The following ACAD11 variants were observed in gnomAD, a reference collection of about 807,000 sequenced individuals.
The protein encoded by ACAD11 is acyl-CoA dehydrogenase family member 11, also known as acyl-Coenzyme A dehydrogenase family, member 11.
A neutral mutation model predicts 102.2 loss-of-function variants in ACAD11; 83 were observed. That is an observed-to-expected ratio of 0.81 (90% CI 0.68 to 0.97). ACAD11 has a LOEUF of 0.97. Ranked by LOEUF, ACAD11 falls within the 50% of genes least tolerant of loss-of-function variation. The pLI is 0.00. For missense variants in ACAD11, 901 were observed against 951.7 expected (o/e 0.95, Z 0.70); for synonymous variants, 324 against 319.8 (o/e 1.01, Z -0.14).
At chr3:132,633,723 A>G (rs1225771919) in intron 5 of ACAD11, among the ~76,000 whole-genome samples, 1 of 152,190 alleles carries the variant, frequency 6.6e-6, no homozygotes, top group Non-Finnish European at 1.5e-5. Flanking sequence ...AGACCAATGG[A>G]ACAGAACAGA....
At chr3:132,657,700 G>A (rs1310020491) in intron 1 of ACAD11, among the ~76,000 whole-genome samples, 3 of 151,992 alleles carry the variant, frequency 2.0e-5, no homozygotes, top group African/African-American at 7.2e-5. Context: ...CATTTTAACT[G>A]TTGCTAAAGT....
Position 132,602,472 on chromosome 3 carries a change from A to G in ACAD11, c.1621+757T>C, listed in dbSNP as rs148663258. Among the ~76,000 whole-genome samples the G allele has an allele frequency of 4.7e-3, 719 of 152,260 alleles. 9 individuals carry two copies. Among genetic ancestry groups the G allele is most frequent in the African/African-American group, 0.015 (642 of 41,564 alleles). On this transcript the variant is annotated intron_variant, in intron 13 of 19. Coordinates refer to ENST00000264990, the MANE Select transcript of ACAD11 (RefSeq NM_032169.5). ...CATTATCCCATGCATAAAATGTCCTATTTTCATTTAAACACTTTATTTTTG... is the reference window on the plus strand; with the variant it reads ...CATTATCCCATGCATAAAATGTCCTGTTTTCATTTAAACACTTTATTTTTG...
chr3:132,561,263 T>G, intron 17 of ACAD11, 46 bp from the exon 18 acceptor site: 1 of 1,395,774 alleles, frequency 7.2e-7, no homozygotes, highest in Non-Finnish European at 1.0e-6. Flanking sequence ...GCTAAGCTGG[T>G]ATCTGATGTC....
intron 13 of ACAD11, among the ~76,000 whole-genome samples, chr3:132,587,242 G>T (rs940573444): frequency 1.3e-5 from 2 of 152,050 alleles, no homozygotes; most frequent in Admixed American, 1.3e-4. Context: ...TTTTTCAAAT[G>T]CAAATCTCTC....
At chr3:132,584,590 G>A (rs1411729784) in intron 13 of ACAD11, among the ~76,000 whole-genome samples, 1 of 152,136 alleles carries the variant, frequency 6.6e-6, no homozygotes, top group East Asian at 1.9e-4. Flanking sequence ...GTGTGAATTT[G>A]ATCCTGTCAT....
chr3:132,585,584 C>T (rs1266634332), intron 13 of ACAD11, among the ~76,000 whole-genome samples: 1 of 152,156 alleles, frequency 6.6e-6, no homozygotes, highest in Non-Finnish European at 1.5e-5. Context: ...TTTTTGCCAT[C>T]TACTCATCTG....
chr3:132,605,194 T>C lies in ACAD11; in HGVS notation c.1426A>G (p.Met476Val), dbSNP rs748144727. 3 of 1,611,864 alleles carry C rather than the reference T, an allele frequency of 1.9e-6. No individual in the cohort carries two copies. Among genetic ancestry groups the C allele is most frequent in the South Asian group, 2.2e-5 (2 of 90,822 alleles). Residue 476 changes from methionine (M) to valine (V), a missense_variant, in exon 12 of 20, where the codon ATG becomes GTG. Met to Val is a conservative substitution (Grantham distance 21). Coordinates refer to ENST00000264990, the MANE Select transcript of ACAD11 (RefSeq NM_032169.5). Reference protein sequence around the residue: ...FNCQAPDTGNMEVLHLYGSEE... With the variant: ...FNCQAPDTGNVEVLHLYGSEE... ...CTTCCATACAGGTGCAGAACCTCCA[T>C]ATTCCCTGTGTCTACACATAAAGAA...
At chr3:132,608,174 C>A (rs1170997857) in intron 11 of ACAD11, among the ~76,000 whole-genome samples, 1 of 152,098 alleles carries the variant, frequency 6.6e-6, no homozygotes, top group African/African-American at 2.4e-5. Context: ...AAAAACATAC[C>A]AAATTGTAAA....
chr3:132,619,596 A>C (rs774381809), intron 9 of ACAD11, 51 bp from the exon 10 acceptor site: 8 of 1,037,814 alleles, frequency 7.7e-6, no homozygotes, highest in Non-Finnish European at 8.6e-6. Flanking sequence ...AATACAAAGT[A>C]AACAATGTCA....
chr3:132,626,645 T>C (rs113322334), intron 9 of ACAD11, 46 bp downstream of exon 9: 21,015 of 1,605,092 alleles, frequency 0.013, 179 homozygotes, highest in Non-Finnish European at 0.015. Flanking sequence ...AAAGTATTCA[T>C]TGATAGTCCT....
chr3:132,582,475 C>T (rs1163353560), intron 13 of ACAD11, among the ~76,000 whole-genome samples: 1 of 151,780 alleles, frequency 6.6e-6, no homozygotes, highest in African/African-American at 2.4e-5. Context: ...AAGAAAAAAA[C>T]CCATCTTGTA....
chr3:132,632,510 A>G (rs567289979), intron 5 of ACAD11, among the ~76,000 whole-genome samples: 2 of 152,300 alleles, frequency 1.3e-5, no homozygotes, highest in African/African-American at 4.8e-5. Flanking sequence ...GTCAGGTAGC[A>G]TGATGCCTCC....
At chr3:132,559,574 G>A (rs897710638) in intron 19 of ACAD11, among the ~76,000 whole-genome samples, 8 of 151,972 alleles carry the variant, frequency 5.3e-5, no homozygotes, top group South Asian at 2.1e-4. Flanking sequence ...CAAATTCAGC[G>A]AAACCCCATG....
At chr3:132,624,886 T>C (rs1444319773) in intron 9 of ACAD11, among the ~76,000 whole-genome samples, 1 of 151,980 alleles carries the variant, frequency 6.6e-6, no homozygotes, top group African/African-American at 2.4e-5. Context: ...GTTTATGCCA[T>C]GTTGCCCAGG....
Position 132,639,635 on chromosome 3 carries a change from A to G in ACAD11, c.559T>C (p.Tyr187His). ...KRQVSTWTKQ[Y>H]QAAAHQDIPA... ...ATGTCCTGATGAGCTGCAGCTTGAT[A>G]TTGCTTTGTCCAGGTTGATACCTAA... is the stretch of plus-strand genomic sequence containing the variant. The change falls in exon 5 of 20, where the codon TAT (tyrosine) becomes CAT (histidine). Residue 187 changes from tyrosine to histidine, a missense_variant. Transcript: ENST00000264990. 1 of 1,613,514 alleles carries G rather than the reference A, an allele frequency of 6.2e-7. No homozygotes were observed. Among genetic ancestry groups the G allele is most frequent in the Non-Finnish European group, 8.5e-7 (1 of 1,179,746 alleles).
In ACAD11 at chr3:132,618,763, T is replaced by A. The variant is rs868428788; in HGVS notation, c.1285A>T (p.Lys429Ter). ...LVIDKLKEMA[K>*]VEGLWNLFLP... ...AACAAGTTCCAGAGACCCTCGACTTTGGCCATTTCCTGTCAAGGTGATGAA... is the reference window on the plus strand; with the variant it reads ...AACAAGTTCCAGAGACCCTCGACTTAGGCCATTTCCTGTCAAGGTGATGAA... The change falls in exon 11 of 20, where the codon AAA (lysine) becomes TAA (stop). Residue 429 changes from lysine (K) to a stop codon, truncating the protein, a stop_gained. Transcript: ENST00000264990. LOFTEE classifies it high-confidence loss of function. The A allele has an allele frequency of 5.0e-6, 8 of 1,592,396 alleles. 1 individual carries two copies. In the Middle Eastern group the frequency reaches 1.3e-3, roughly 266 times the overall value.
rs535814117 is a variant in ACAD11, at chr3:132,582,605, G to T, written c.1622-3047C>A. On this transcript the variant is annotated intron_variant, in intron 13 of 19. Transcript: ENST00000264990. The stretch of plus-strand genomic sequence containing the variant: ...TATCTAATCTGAGGGCTGTGGAGGA[G>T]TCATTTCCCCACTTCTATGTAATAC... Among the ~76,000 whole-genome samples the T allele has an allele frequency of 1.1e-4, 17 of 152,012 alleles. No individual in the cohort carries two copies. In the East Asian group the frequency reaches 3.1e-3, roughly 28 times the overall value.
chr3:132,604,972 A>G (rs533789567), intron 12 of ACAD11, 126 bp downstream of exon 12: 8 of 589,778 alleles, frequency 1.4e-5, no homozygotes, highest in African/African-American at 1.1e-4. Context: ...AAATAAACAT[A>G]CTCACATTTT....
rs1939513160 is a variant in ACAD11, at chr3:132,619,030, A to T, written c.1276-258T>A. On this transcript the variant is annotated intron_variant, in intron 10 of 19. Transcript: ENST00000264990. The stretch of plus-strand genomic sequence containing the variant: ...TGAAAAATTAAGTTTGCTACTTGAG[A>T]ACTTCTTCTGGAATCAGAACTATTA... 8.3e-6 allele frequency: 3 copies of T among 363,174 alleles called. No homozygotes were observed. The South Asian group carries it at 4.0e-4, about 48-fold the overall frequency. 22.5% of individuals were successfully genotyped at this position (363,174 alleles called of 1,614,324 possible).
Sources: gnomAD v4.1 joint callset for allele counts (sites outside exome capture counted in the v4.1 genomes callset) on GRCh38, gnomAD v4.1.1 for gene constraint, MANE v1.5 for transcripts, NCBI Gene and HGNC (gene_info 2026-07-23, HGNC 2026-07-21) for gene names.